Variants in TASOR observed in about 807,000 individuals in gnomAD.
TASOR encodes the protein transcription activation suppressor.
In TASOR, 53 loss-of-function variants were observed where a neutral mutation model predicts 178.6. That is an observed-to-expected ratio of 0.30 (90% CI 0.24 to 0.37). TASOR has a LOEUF of 0.37. Ranked by LOEUF, TASOR falls within the 10% of genes least tolerant of loss-of-function variation. TASOR has a pLI of 1.00. For synonymous variants in TASOR, 713 were observed against 696.2 expected (o/e 1.02, Z -0.38); for missense variants, 1,815 against 1,971.4 (o/e 0.92, Z 1.50).
intron 1 of TASOR, among the ~76,000 whole-genome samples, chr3:56,682,092 G>A (rs1321388154): frequency 1.3e-5 from 2 of 152,148 alleles, no homozygotes; most frequent in Non-Finnish European, 2.9e-5. Flanking sequence ...CAAAAACAAG[G>A]GGGAAAAATC....
chr3:56,683,065 G>C lies in TASOR; in HGVS notation c.-59C>G. On this transcript the variant is annotated 5_prime_UTR_variant, in exon 1 of 24. Coordinates refer to ENST00000683822, the MANE Select transcript of TASOR (RefSeq NM_001365635.2). Reference sequence around the variant, plus strand: ...CCCACAAGGTCGACGGGTGTGGGGGGAAGGGGCGGCGGGCCAGTCTCGCCG... The same window carrying C: ...CCCACAAGGTCGACGGGTGTGGGGGCAAGGGGCGGCGGGCCAGTCTCGCCG... The C allele has an allele frequency of 4.9e-6, 7 of 1,434,700 alleles. No individual in the cohort carries two copies. Among genetic ancestry groups the C allele is most frequent in the Non-Finnish European group, 6.4e-6 (7 of 1,089,482 alleles). The allele number at this position is 1,434,700 out of a possible 1,614,324, so 88.9% of individuals were successfully genotyped here.
chr3:56,626,275 C>T (rs1377904844), intron 21 of TASOR, among the ~76,000 whole-genome samples: 2 of 152,216 alleles, frequency 1.3e-5, no homozygotes, highest in East Asian at 3.8e-4. Context: ...GGAGAAGTGA[C>T]TTCCATGCAT....
In TASOR at chr3:56,633,198, T is replaced by G; in HGVS notation, c.3593A>C (p.Asn1198Thr). Residue 1198 changes from asparagine (N) to threonine (T), a missense_variant, in exon 18 of 24, where the codon AAC (asparagine) becomes ACC (threonine). By Grantham distance (65) the Asn-to-Thr change is moderately conservative (BLOSUM62 0). This residue lies in a region of TASOR where 655 missense variants were observed against 671.1 expected (regional missense o/e 0.98). Coordinates refer to ENST00000683822, the MANE Select transcript of TASOR (RefSeq NM_001365635.2). ...TGAAAGAGCTGGTTGAGCAGAAATG[T>G]TTACATCACTGGGGGATTTTGTTGT... ...EETTKSPSDV[N>T]ISAQPALSNF... The G allele has an allele frequency of 1.2e-6, 2 of 1,614,228 alleles. No individual in the cohort carries two copies. The highest frequency in any genetic ancestry group is 1.3e-5 in the African/African-American group (1 of 75,060).
intron 1 of TASOR, among the ~76,000 whole-genome samples, chr3:56,676,513 G>A (rs2031312804): frequency 6.6e-6 from 1 of 152,134 alleles, no homozygotes; most frequent in Admixed American, 6.5e-5. Context: ...GGTCTTTATA[G>A]GCTTTCACAA....
chr3:56,670,817 A>G (rs570075776), intron 3 of TASOR, among the ~76,000 whole-genome samples: 34 of 151,358 alleles, frequency 2.2e-4, no homozygotes, highest in Admixed American at 4.0e-4. Context: ...GTGTCCTGTA[A>G]TCCCAGCTAC....
In TASOR at chr3:56,682,850, C is replaced by T. The variant is rs1420143103; in HGVS notation, c.157G>A (p.Gly53Ser). Residue 53 changes from glycine to serine, a missense_variant, in exon 1 of 24, where the codon GGC becomes AGC. Gly to Ser is a moderately conservative substitution (Grantham distance 56, BLOSUM62 0). Around this residue, in one of 5 missense-constraint regions of TASOR, gnomAD observed 244 missense variants for 202.7 expected, o/e 1.20. Transcript: ENST00000683822. ...GCGTTCTCCTCACGCCCAGCGCCGC[C>T]GCTGGGCTCAGCGATGTTGAGGCCG... ...GGGLNIAEPS[G>S]GAGREENAGA... 1 of 1,550,322 alleles carries T rather than the reference C, an allele frequency of 6.5e-7. No individual in the cohort carries two copies.
rs760621562 is a variant in TASOR at position 56,647,063 on chromosome 3, T to C, written c.1674A>G (p.Val558=). 2 of 1,607,374 alleles carry C rather than the reference T, an allele frequency of 1.2e-6. No homozygotes were observed. Among genetic ancestry groups the C allele is most frequent in the Non-Finnish European group, 1.7e-6 (2 of 1,178,482 alleles). The change falls in exon 14 of 24, where the codon GTA becomes GTG. Residue 558 remains valine (V), a synonymous_variant. Transcript: ENST00000683822. Reference sequence around the variant, plus strand: ...CAAAACCTCGCTTAAAAAATTCACTTACATACTTTTCAACAACAGAATGAA... The same window carrying C: ...CAAAACCTCGCTTAAAAAATTCACTCACATACTTTTCAACAACAGAATGAA... ...INFHSVVEKY[V]SEFFKRGFGS...
At chr3:56,655,244 T>C (rs1270333012) in intron 11 of TASOR, among the ~76,000 whole-genome samples, 1 of 152,190 alleles carries the variant, frequency 6.6e-6, no homozygotes, top group East Asian at 1.9e-4. Context: ...AAAATCACCA[T>C]TTTTATTCAA....
chr3:56,675,473 G>A lies in TASOR; in HGVS notation c.332-1748C>T, dbSNP rs572370671. ...ATTACGGGCATGAGCCACCGTGCCC[G>A]GTCCCCACTTAATTTTTAAAACATT... On this transcript the variant is annotated intron_variant, in intron 1 of 23. Coordinates refer to ENST00000683822, the MANE Select transcript of TASOR (RefSeq NM_001365635.2). 2.0e-4 allele frequency among the ~76,000 whole-genome samples: 30 copies of A among 152,134 alleles called. 1 individual carries two copies. Among genetic ancestry groups the A allele is most frequent in the African/African-American group, 5.3e-4 (22 of 41,500 alleles).
At chr3:56,635,410 A>C (rs1359293275) in intron 17 of TASOR, among the ~76,000 whole-genome samples, 1 of 152,178 alleles carries the variant, frequency 6.6e-6, no homozygotes, top group Non-Finnish European at 1.5e-5. Context: ...TCCAACATTA[A>C]AATGTGCTTT....
chr3:56,624,364 G>T, intron 23 of TASOR, 115 bp downstream of exon 23: 1 of 967,350 alleles, frequency 1.0e-6, no homozygotes. Context: ...TTTCCCTATG[G>T]CTGTTTATAC....
chr3:56,663,438 T>G (rs764322140), intron 8 of TASOR, 103 bp downstream of exon 8: 2 of 669,164 alleles, frequency 3.0e-6, no homozygotes, highest in South Asian at 3.0e-5. Context: ...TTTCATACTT[T>G]GCAGATTTTC....
intron 11 of TASOR, among the ~76,000 whole-genome samples, chr3:56,656,876 G>A (rs535624315): frequency 1.3e-5 from 2 of 151,858 alleles, no homozygotes; most frequent in Non-Finnish European, 2.9e-5. Context: ...CAGGCATGGT[G>A]GAGCATGCCT....
chr3:56,674,213 A>C (rs527900037), intron 1 of TASOR, among the ~76,000 whole-genome samples: 1 of 151,324 alleles, frequency 6.6e-6, no homozygotes, highest in East Asian at 1.9e-4. Flanking sequence ...AAAAAAAAAA[A>C]AAAAAAAAAA....
At chr3:56,674,644 T>C (rs1302835878) in intron 1 of TASOR, among the ~76,000 whole-genome samples, 2 of 152,190 alleles carry the variant, frequency 1.3e-5, no homozygotes, top group Non-Finnish European at 1.5e-5. Context: ...TGGACACAAA[T>C]ACCAGACCTA....
Position 56,622,572 on chromosome 3 carries a change from A to T in TASOR, c.*465T>A, listed in dbSNP as rs984623353. ...TAAATGAAACTGCACTGTTAGATAA[A>T]TCTTGAGGTATCGAGCCAAAATCCT... On this transcript the variant is annotated 3_prime_UTR_variant, in exon 24 of 24. Transcript: ENST00000683822. The T allele has an allele frequency of 3.3e-5, 5 of 152,776 alleles. No individual in the cohort carries two copies. The highest frequency in any genetic ancestry group is 1.2e-4 in the African/African-American group (5 of 41,464). The allele number at this position is 152,776 out of a possible 1,614,324, so 9.5% of individuals were successfully genotyped here.
At chr3:56,630,034 C>T (rs899999467) in intron 18 of TASOR, among the ~76,000 whole-genome samples, 14 of 150,644 alleles carry the variant, frequency 9.3e-5, no homozygotes, top group African/African-American at 2.9e-4. Flanking sequence ...GGCGCTATCT[C>T]GGCTCACTGC....
Position 56,621,752 on chromosome 3 carries a change from A to C in TASOR, c.*1285T>G. Reference sequence around the variant, plus strand: ...AATGCTCATTAAAAACTTGTATACTATGTAGTAAAATGCTGTACTTGTTCT... The same window carrying C: ...AATGCTCATTAAAAACTTGTATACTCTGTAGTAAAATGCTGTACTTGTTCT... On this transcript the variant is annotated 3_prime_UTR_variant, in exon 24 of 24. Coordinates refer to ENST00000683822, the MANE Select transcript of TASOR (RefSeq NM_001365635.2). 2.4e-6 allele frequency: 1 copy of C among 408,600 alleles called. No individual in the cohort carries two copies. Among genetic ancestry groups the C allele is most frequent in the Non-Finnish European group, 4.4e-6 (1 of 225,822 alleles). The allele number at this position is 408,600 out of a possible 1,614,324, so 25.3% of individuals were successfully genotyped here. A position where few individuals can be genotyped will look rare whatever the true frequency, so the allele number is the denominator to read the frequency against.
Position 56,622,769 on chromosome 3 carries a change from TAA to T in TASOR, c.*266_*267del, listed in dbSNP as rs2076715938. 4.3e-6 allele frequency: 1 copy of T among 234,682 alleles called. No homozygotes were observed. Among genetic ancestry groups the T allele is most frequent in the Non-Finnish European group, 8.1e-6 (1 of 123,624 alleles). The allele number at this position is 234,682 out of a possible 1,614,324, so 14.5% of individuals were successfully genotyped here. On this transcript the variant is annotated 3_prime_UTR_variant, in exon 24 of 24. Coordinates refer to ENST00000683822, the MANE Select transcript of TASOR (RefSeq NM_001365635.2). Reference sequence around the variant, plus strand: ...TCCTGCAAGCATCTGATTTTACACATAAAACAGGCTTCAATTTGAAGCCTAAG... The same window carrying T: ...TCCTGCAAGCATCTGATTTTACACATAACAGGCTTCAATTTGAAGCCTAAG...
Sources: gnomAD v4.1 joint callset for allele counts (sites outside exome capture counted in the v4.1 genomes callset) on GRCh38, gnomAD v4.1.1 for gene constraint, gnomAD v4.1.1 regional missense constraint, MANE v1.5 for transcripts, NCBI Gene and HGNC (gene_info 2026-07-23, HGNC 2026-07-21) for gene names.